Variants in PCSK7 observed in about 807,000 individuals in gnomAD.
PCSK7 encodes the protein lymphoma proprotein convertase.
Under a neutral mutation model 73.3 loss-of-function variants are expected in PCSK7, and 38 were observed. That is an observed-to-expected ratio of 0.52 (90% confidence interval 0.40 to 0.68). The LOEUF is 0.68. PCSK7 is among the 30% of genes least tolerant of loss of function. The probability of loss-of-function intolerance (pLI) is 0.00; values close to 1 mark genes in which losing one functional copy is unlikely to be tolerated. For missense variants in PCSK7, 692 were observed against 991.5 expected, an observed-to-expected ratio of 0.70 and a Z score of 4.06; for synonymous variants, 296 against 383.8, an observed-to-expected ratio of 0.77 and a Z score of 2.68.
chr11:117,223,532 C>A, intron 8 of PCSK7: 1 of 563,210 alleles, frequency 1.8e-6, no homozygotes, highest in Non-Finnish European at 3.2e-6. Flanking sequence ...TTTCAGTAGG[C>A]TCTGGGGTAC....
At chr11:117,224,902 G>A (rs1201510203) in intron 6 of PCSK7, 147 bp from the exon 7 acceptor site, 1 of 688,298 alleles carries the variant, frequency 1.5e-6, no homozygotes, top group Admixed American at 2.2e-5. Flanking sequence ...GTGATTAAAA[G>A]GCACAGGGTT....
At chr11:117,224,665 A>G (rs1371358236) in intron 7 of PCSK7, 36 bp downstream of exon 7, 1 of 1,548,504 alleles carries the variant, frequency 6.5e-7, no homozygotes, top group Non-Finnish European at 8.9e-7. Context: ...TGAAGAGGGC[A>G]TCCCGTTTCT....
Position 117,206,269 on chromosome 11 carries a change from T to C in PCSK7, c.2086A>G (p.Asn696Asp). 1 of 1,614,168 alleles carries C rather than the reference T, an allele frequency of 6.2e-7. No homozygotes were observed. The change falls in exon 17 of 17, where the codon AAT (asparagine) becomes GAT (aspartate). Residue 696 changes from asparagine (N) to aspartate (D), a missense_variant. This residue lies in a region of PCSK7 where 78 missense variants were observed against 102.6 expected (regional missense o/e 0.76). Coordinates refer to ENST00000320934, the MANE Select transcript of PCSK7 (RefSeq NM_004716.4). ...VYLSQRNVAS[N>D]QVCRSGPCHW... ...CAGGGTCCACTCCTACAAACTTGAT[T>C]GGAAGCCACATTCCTCTGGCTCAAA...
In PCSK7 at chr11:117,227,317, A is replaced by G. The variant is rs762486522; in HGVS notation, c.609T>C (p.Pro203=). Residue 203 remains proline, a synonymous_variant, in exon 5 of 17, where the codon CCT becomes CCC. Coordinates refer to ENST00000320934, the MANE Select transcript of PCSK7 (RefSeq NM_004716.4). ...TAGAGTTGAGGTCATAGCTACCCTCAGGGCTCTGAAATATTTTGGAGGTGA... is the reference window on the plus strand; with the variant it reads ...TAGAGTTGAGGTCATAGCTACCCTCGGGGCTCTGAAATATTTTGGAGGTGA... ...TIQDIAPNYS[P]EGSYDLNSND... 1 of 1,613,178 alleles carries G rather than the reference A, an allele frequency of 6.2e-7. No individual in the cohort carries two copies. The highest frequency in any genetic ancestry group is 1.1e-5 in the South Asian group (1 of 91,072).
chr11:117,231,448 C>G (rs1336022391), intron 1 of PCSK7, among the ~76,000 whole-genome samples: 3 of 152,166 alleles, frequency 2.0e-5, no homozygotes, highest in Non-Finnish European at 2.9e-5. Flanking sequence ...ACTAAGTAAA[C>G]AAACTAACAA....
chr11:117,223,209 A>G lies in PCSK7; in HGVS notation c.1154T>C (p.Ile385Thr). 6.2e-7 allele frequency: 1 copy of G among 1,601,734 alleles called. No individual in the cohort carries two copies. The highest frequency in any genetic ancestry group is 1.1e-5 in the South Asian group (1 of 90,804). Reference sequence around the variant, plus strand: ...GTGGAGGGCCCGGGAGGCACTCACAATGCTCCGAAGCATCTTGTCCCCACC... The same window carrying G: ...GTGGAGGGCCCGGGAGGCACTCACAGTGCTCCGAAGCATCTTGTCCCCACC... ...FSGGDKMLRSIVTTDWDLQKG... is the reference protein window; with the variant it reads ...FSGGDKMLRSTVTTDWDLQKG... The change falls in exon 9 of 17, where the codon ATT (isoleucine) becomes ACT (threonine). Residue 385 changes from isoleucine to threonine, a missense_variant and splice_region_variant. Physicochemically the swap from Ile to Thr is moderately conservative, Grantham distance 89. This residue lies in a region of PCSK7 where 574 missense variants were observed against 689.8 expected (regional missense o/e 0.83). Coordinates refer to ENST00000320934, the MANE Select transcript of PCSK7 (RefSeq NM_004716.4).
At chr11:117,213,848 C>T (rs1330478522) in intron 12 of PCSK7, 4 of 151,794 alleles carry the variant, frequency 2.6e-5, no homozygotes, top group African/African-American at 7.3e-5. Flanking sequence ...TAAAAAGCAT[C>T]TTATTATGTG....
rs1166264153 is a variant in PCSK7, at chr11:117,229,488, A to G, written c.357T>C (p.Ala119=). The G allele has an allele frequency of 3.1e-6, 5 of 1,612,080 alleles. No homozygotes were observed. The highest frequency in any genetic ancestry group is 4.2e-6 in the Non-Finnish European group (5 of 1,180,032). ...EVEAIRQQVE[A]VLAGHEAVRW... The stretch of plus-strand genomic sequence containing the variant: ...GCACAGCTTCATGCCCAGCCAACAC[A>G]GCCTCCACCTGCTGCCGGATGGCCT... Residue 119 remains alanine (A), a synonymous_variant, in exon 3 of 17, where the codon GCT becomes GCC. Transcript: ENST00000320934.
At chr11:117,212,501 G>A (rs1261124703) in intron 12 of PCSK7, 1 of 150,428 alleles carries the variant, frequency 6.6e-6, no homozygotes, top group Non-Finnish European at 1.5e-5. Context: ...CGCCTCCTGG[G>A]TTCCAGCGAT....
rs1353984403 is a variant in PCSK7 at position 117,218,794 on chromosome 11, G to A, written c.1432-226C>T. On this transcript the variant is annotated intron_variant, in intron 11 of 16. Coordinates refer to ENST00000320934, the MANE Select transcript of PCSK7 (RefSeq NM_004716.4). The surrounding 1 kb of genome is among the most constrained non-coding windows in gnomAD (Gnocchi z 4.0). ...GGAAACAGCTGTGTCCAGGGTGGAGGAGGGGAACCAGAGCATCCTGAGTCC... is the reference window on the plus strand; with the variant it reads ...GGAAACAGCTGTGTCCAGGGTGGAGAAGGGGAACCAGAGCATCCTGAGTCC... The A allele has an allele frequency of 1.1e-5, 6 of 566,326 alleles. No homozygotes were observed. The highest frequency in any genetic ancestry group is 1.6e-5 in the Non-Finnish European group (5 of 317,496). 35.1% of individuals were successfully genotyped at this position (566,326 alleles called of 1,614,324 possible).
chr11:117,209,225 T>C, intron 12 of PCSK7, 172 bp from the exon 13 acceptor site: 1 of 553,054 alleles, frequency 1.8e-6, no homozygotes. Context: ...GCTCTCAAGT[T>C]TACAACGTAG....
chr11:117,229,374 C>T lies in PCSK7; in HGVS notation c.468+3G>A, dbSNP rs1361625622. 3.1e-6 allele frequency: 5 copies of T among 1,601,740 alleles called. No homozygotes were observed. Among genetic ancestry groups the T allele is most frequent in the Non-Finnish European group, 4.2e-6 (5 of 1,178,192 alleles). On this transcript the variant is annotated splice_donor_region_variant and intron_variant, in intron 3 of 16. Transcript: ENST00000320934. ...AAACTGCAAACTGCAGGACTGGACT[C>T]ACCAGGTGCCATTGCTGCGGGTACT...
At chr11:117,224,614 G>C in intron 7 of PCSK7, 87 bp downstream of exon 7, 2 of 1,058,928 alleles carry the variant, frequency 1.9e-6, no homozygotes, top group Non-Finnish European at 3.0e-6. Flanking sequence ...GAGGTGGAGT[G>C]GGAAGATGGG....
At chr11:117,224,606 G>C (rs2032338420) in intron 7 of PCSK7, 95 bp downstream of exon 7, 1 of 984,982 alleles carries the variant, frequency 1.0e-6, no homozygotes, top group Non-Finnish European at 1.6e-6. Context: ...TGAGCGTGGA[G>C]GTGGAGTGGG....
chr11:117,224,305 G>C, intron 7 of PCSK7, 89 bp from the exon 8 acceptor site: 2 of 1,368,444 alleles, frequency 1.5e-6, no homozygotes, highest in Non-Finnish European at 1.0e-6. Flanking sequence ...ACCCCTTCTA[G>C]AAACAAAGGG....
intron 4 of PCSK7, 56 bp downstream of exon 4, chr11:117,228,160 C>A: frequency 6.4e-7 from 1 of 1,570,128 alleles, no homozygotes; most frequent in Non-Finnish European, 8.7e-7. Context: ...ACTGAGGCAA[C>A]ATCAAGAAGG....
intron 12 of PCSK7, chr11:117,217,337 A>G (rs1285969934): frequency 6.6e-6 from 1 of 152,236 alleles, no homozygotes; most frequent in African/African-American, 2.4e-5. Flanking sequence ...TTGAAGGCAC[A>G]CTATCTCTAA....
intron 7 of PCSK7, 109 bp downstream of exon 7, chr11:117,224,592 A>G (rs2032337584): frequency 7.7e-6 from 7 of 909,116 alleles, no homozygotes; most frequent in Non-Finnish European, 1.3e-5. Flanking sequence ...TCCTGAAAGG[A>G]GACTGAGCGT....
intron 9 of PCSK7, chr11:117,219,986 A>G (rs2032130253): frequency 2.6e-6 from 1 of 383,592 alleles, no homozygotes; most frequent in African/African-American, 2.1e-5. Flanking sequence ...ACTGAGTTCA[A>G]AGTTGTTATG....
Sources: allele counts gnomAD v4.1 joint callset (sites outside exome capture counted in the v4.1 genomes callset), GRCh38; gene constraint gnomAD v4.1.1; regional missense constraint gnomAD v4.1.1; non-coding constraint Gnocchi (gnomAD v3.1); transcripts MANE v1.5; gene names NCBI Gene and HGNC (gene_info 2026-07-23, HGNC 2026-07-21).